Variants in RSU1 observed in about 807,000 individuals in gnomAD.
RSU1 encodes the protein Ras suppressor protein 1.
A neutral mutation model predicts 31.1 loss-of-function variants in RSU1; 26 were observed. The observed-to-expected ratio is 0.84, with a 90% CI of 0.61 to 1.16. RSU1 has a LOEUF of 1.16. Ranked by LOEUF, RSU1 falls within the 50% of genes most tolerant of loss-of-function variation. RSU1 has a pLI of 0.00. For missense variants in RSU1, 320 were observed against 339.1 expected (o/e 0.94, Z 0.44); for synonymous variants, 164 against 136.3 (o/e 1.20, Z -1.41).
At chr10:16,663,789 A>G (rs1331365170) in intron 8 of RSU1, among the ~76,000 whole-genome samples, 2 of 152,080 alleles carry the variant, frequency 1.3e-5, no homozygotes, top group African/African-American at 2.4e-5. Flanking sequence ...CAACTACAAA[A>G]CTGTGGCTGA....
chr10:16,756,681 A>G (rs1837092975), intron 4 of RSU1, among the ~76,000 whole-genome samples: 1 of 152,274 alleles, frequency 6.6e-6, no homozygotes, highest in South Asian at 2.1e-4. Flanking sequence ...TAAGGCTTCC[A>G]GCCAACTGTA....
Position 16,752,450 on chromosome 10 carries a change from G to C in RSU1, c.598+89C>G, listed in dbSNP as rs981749124. On this transcript the variant is annotated intron_variant, in intron 7 of 8. Coordinates refer to ENST00000345264, the MANE Select transcript of RSU1 (RefSeq NM_012425.4). The stretch of plus-strand genomic sequence containing the variant: ...TGCCTAGGTGGAGAGTAGTTGCCAA[G>C]AAGAGGACAGAGGTTGTTCAGAATT... 2.9e-5 allele frequency: 27 copies of C among 923,422 alleles called. No homozygotes were observed. In the East Asian group the frequency reaches 5.8e-4, roughly 20 times the overall value. 57.2% of individuals were successfully genotyped at this position (923,422 alleles called of 1,614,324 possible).
At chr10:16,739,362 C>G (rs1244649944) in intron 7 of RSU1, among the ~76,000 whole-genome samples, 1 of 151,966 alleles carries the variant, frequency 6.6e-6, no homozygotes, top group Non-Finnish European at 1.5e-5. Context: ...TCTACATCCT[C>G]TCCAGCATCT....
At chr10:16,621,297 C>T (rs561975665) in intron 8 of RSU1, among the ~76,000 whole-genome samples, 3 of 152,132 alleles carry the variant, frequency 2.0e-5, no homozygotes, top group African/African-American at 7.2e-5. Flanking sequence ...AGTGCTAAGG[C>T]TGAAAATTTC....
chr10:16,765,839 C>A (rs1202477426), intron 3 of RSU1, among the ~76,000 whole-genome samples: 1 of 152,220 alleles, frequency 6.6e-6, no homozygotes, highest in Non-Finnish European at 1.5e-5. Context: ...GGGAGACCAA[C>A]CTGCTTCCTG....
chr10:16,813,224 C>T (rs1221719728), intron 2 of RSU1, among the ~76,000 whole-genome samples: 1 of 152,078 alleles, frequency 6.6e-6, no homozygotes, highest in Non-Finnish European at 1.5e-5. Flanking sequence ...AATTACATGC[C>T]ATGTTAAAAC....
At chr10:16,622,542 G>T (rs1469887614) in intron 8 of RSU1, among the ~76,000 whole-genome samples, 1 of 152,032 alleles carries the variant, frequency 6.6e-6, no homozygotes, top group Non-Finnish European at 1.5e-5. Flanking sequence ...GGCTACAGAG[G>T]GTTTACACAC....
intron 7 of RSU1, among the ~76,000 whole-genome samples, chr10:16,742,651 G>A (rs532474990): frequency 6.6e-6 from 1 of 151,988 alleles, no homozygotes; most frequent in African/African-American, 2.4e-5. Context: ...AGCACTGCCG[G>A]CATTTCTCCC....
Position 16,595,666 on chromosome 10 carries a change from C to T in RSU1, c.732-2170G>A, listed in dbSNP as rs548994677. On this transcript the variant is annotated intron_variant, in intron 8 of 8. Coordinates refer to ENST00000345264, the MANE Select transcript of RSU1 (RefSeq NM_012425.4). ...GACAGTAGCCCTGTCCTGACCAGCCCGGCTGTGCCTCCTCTGAAGCCACAG... is the reference window on the plus strand; with the variant it reads ...GACAGTAGCCCTGTCCTGACCAGCCTGGCTGTGCCTCCTCTGAAGCCACAG... Among the ~76,000 whole-genome samples, 274 of 152,240 alleles carry T rather than the reference C, an allele frequency of 1.8e-3. 2 individuals carry two copies. The highest frequency in any genetic ancestry group is 5.2e-3 in the African/African-American group (216 of 41,548).
At chr10:16,688,587 C>T (rs1336060558) in intron 8 of RSU1, among the ~76,000 whole-genome samples, 4 of 151,960 alleles carry the variant, frequency 2.6e-5, no homozygotes, top group African/African-American at 7.3e-5. Flanking sequence ...CCAGCTTCGG[C>T]GACAGAGCGA....
At chr10:16,718,519 G>T (rs1002371996) in intron 7 of RSU1, among the ~76,000 whole-genome samples, 2 of 152,074 alleles carry the variant, frequency 1.3e-5, no homozygotes, top group South Asian at 4.1e-4. Context: ...GTGAACAAAT[G>T]GTGTCCTCTA....
chr10:16,755,513 T>C (rs1349682918), intron 4 of RSU1, among the ~76,000 whole-genome samples: 2 of 152,168 alleles, frequency 1.3e-5, no homozygotes, highest in Non-Finnish European at 2.9e-5. Flanking sequence ...ATACTTCTGA[T>C]GTATGTATAC....
intron 2 of RSU1, among the ~76,000 whole-genome samples, chr10:16,809,681 T>C (rs1306048685): frequency 1.3e-5 from 2 of 152,172 alleles, no homozygotes; most frequent in African/African-American, 2.4e-5. Context: ...CTCTAGTCTT[T>C]TCTCTAACAA....
chr10:16,650,428 T>C (rs1032779727), intron 8 of RSU1, among the ~76,000 whole-genome samples: 1 of 152,158 alleles, frequency 6.6e-6, no homozygotes, highest in Non-Finnish European at 1.5e-5. Flanking sequence ...CCTCCATAAA[T>C]GTTCACTGTT....
intron 8 of RSU1, among the ~76,000 whole-genome samples, chr10:16,692,071 T>A (rs2131559728): frequency 6.6e-6 from 1 of 152,322 alleles, no homozygotes; most frequent in Admixed American, 6.5e-5. Context: ...TGAAACTTTT[T>A]AATGTTGACT....
At chr10:16,797,617 A>T (rs1294203192) in intron 2 of RSU1, among the ~76,000 whole-genome samples, 1 of 152,214 alleles carries the variant, frequency 6.6e-6, no homozygotes, top group East Asian at 1.9e-4. Flanking sequence ...ACAGGGCAAA[A>T]CTATAATTGA....
intron 8 of RSU1, among the ~76,000 whole-genome samples, chr10:16,678,445 C>T (rs1034657195): frequency 6.6e-6 from 1 of 152,132 alleles, no homozygotes; most frequent in East Asian, 1.9e-4. Flanking sequence ...TTCCAAGATT[C>T]GGGACTCATT....
chr10:16,608,048 C>T (rs1833834620), intron 8 of RSU1, among the ~76,000 whole-genome samples: 1 of 152,122 alleles, frequency 6.6e-6, no homozygotes, highest in South Asian at 2.1e-4. Flanking sequence ...CCACGCTAGT[C>T]TTGAACTCTT....
chr10:16,786,408 A>C (rs1837792741), intron 2 of RSU1, among the ~76,000 whole-genome samples: 2 of 152,148 alleles, frequency 1.3e-5, no homozygotes, highest in South Asian at 4.1e-4. Flanking sequence ...GCCTTCTGAC[A>C]CAAGATATTC....
Sources: allele counts gnomAD v4.1 joint callset (sites outside exome capture counted in the v4.1 genomes callset), GRCh38; gene constraint gnomAD v4.1.1; transcripts MANE v1.5; gene names NCBI Gene and HGNC (gene_info 2026-07-23, HGNC 2026-07-21).